The following PCDHGB2 variants were observed in gnomAD, a reference collection of about 807,000 sequenced individuals.
PCDHGB2 encodes protocadherin gamma subfamily B, 2.
A neutral mutation model predicts 59.3 loss-of-function variants in PCDHGB2; 55 were observed. The ratio of observed to expected loss-of-function variants is 0.93; its 90% CI spans 0.75 to 1.16. PCDHGB2 has a LOEUF of 1.16. Among genes scored for constraint, PCDHGB2 ranks in the 50% most tolerant of loss-of-function variants. PCDHGB2 has a pLI of 0.00. For synonymous variants in PCDHGB2, 516 were observed against 512.0 expected, an observed-to-expected ratio of 1.01 and a Z score of -0.11; for missense variants, 1,228 against 1,198.5, an observed-to-expected ratio of 1.02 and a Z score of -0.36.
At chr5:141,421,783 A>G in intron 1 of PCDHGB2, 1 of 1,613,882 alleles carries the variant, frequency 6.2e-7, no homozygotes, top group East Asian at 2.2e-5. Flanking sequence ...ACTGCGGGGC[A>G]GAACGGATGG....
Position 141,360,947 on chromosome 5 carries a change from A to G in PCDHGB2, c.812A>G (p.Glu271Gly). The G allele has an allele frequency of 6.2e-7, 1 of 1,614,012 alleles. No individual in the cohort carries two copies. Among genetic ancestry groups the G allele is most frequent in the Non-Finnish European group, 8.5e-7 (1 of 1,179,906 alleles). The change falls in exon 1 of 4, where the codon GAA becomes GGA. Residue 271 changes from glutamate to glycine, a missense_variant. This residue lies in a region of PCDHGB2 where 781 missense variants were observed against 721.6 expected (regional missense o/e 1.08). Transcript: ENST00000522605. The stretch of plus-strand genomic sequence containing the variant: ...CAAGTGACAGCCACCGACCGGGATG[A>G]AGGCATAAACGCAGAGATCACCTAC... ...VLQVTATDRD[E>G]GINAEITYSF...
chr5:141,363,430 A>G (rs1003624399), intron 1 of PCDHGB2, among the ~76,000 whole-genome samples: 5 of 152,204 alleles, frequency 3.3e-5, no homozygotes, highest in Admixed American at 6.5e-5. Flanking sequence ...GTCTCAACAT[A>G]GAAAGGTCAC....
chr5:141,455,364 G>C (rs2098820282), intron 1 of PCDHGB2, among the ~76,000 whole-genome samples: 1 of 152,252 alleles, frequency 6.6e-6, no homozygotes, highest in South Asian at 2.1e-4. Flanking sequence ...TAGGCAAGAA[G>C]GAAGGGAGAA....
chr5:141,477,344 A>C lies in PCDHGB2; in HGVS notation c.2422-17463A>C. On this transcript the variant is annotated intron_variant, in intron 1 of 3. Coordinates refer to ENST00000522605, the MANE Select transcript of PCDHGB2 (RefSeq NM_018923.3). The surrounding 1 kb of genome is among the most constrained non-coding windows in gnomAD (Gnocchi z 4.9). Reference sequence around the variant, plus strand: ...TTCCCTCAAGAATTACTTCACTTTGAAAACCAGTGCAGACCTGGATCGGGA... The same window carrying C: ...TTCCCTCAAGAATTACTTCACTTTGCAAACCAGTGCAGACCTGGATCGGGA... 6.2e-7 allele frequency: 1 copy of C among 1,614,154 alleles called. No homozygotes were observed. The highest frequency in any genetic ancestry group is 8.5e-7 in the Non-Finnish European group (1 of 1,180,034).
intron 2 of PCDHGB2, among the ~76,000 whole-genome samples, chr5:141,504,351 G>C (rs77439649): frequency 0.021 from 3,233 of 152,120 alleles, 109 homozygotes; most frequent in African/African-American, 0.075. Context: ...CTTTGTGCTA[G>C]GTGCTTCAGT....
Position 141,393,255 on chromosome 5 carries a change from C to G in PCDHGB2, c.2421+30699C>G, listed in dbSNP as rs201229959. 2.3e-4 allele frequency: 367 copies of G among 1,613,786 alleles called. No individual in the cohort carries two copies. Among genetic ancestry groups the G allele is most frequent in the Non-Finnish European group, 2.9e-4 (338 of 1,179,916 alleles). On this transcript the variant is annotated intron_variant, in intron 1 of 3. Coordinates refer to ENST00000522605, the MANE Select transcript of PCDHGB2 (RefSeq NM_018923.3). ...AGTAAAAATTAACGAAATCGCGGTT[C>G]CTGGAGCACGTTATCCACTCCCAGA...
In PCDHGB2 at chr5:141,418,449, A is replaced by G. The variant is rs781224972; in HGVS notation, c.2421+55893A>G. ...GGCAAATATCCAGAATTAGTATTGC[A>G]GAAGACTCTGGACCGAGAAACGCAG... On this transcript the variant is annotated intron_variant, in intron 1 of 3. Coordinates refer to ENST00000522605, the MANE Select transcript of PCDHGB2 (RefSeq NM_018923.3). 8.1e-6 allele frequency: 13 copies of G among 1,613,922 alleles called. No homozygotes were observed. The Admixed American group carries it at 1.2e-4, about 14-fold the overall frequency.
chr5:141,501,544 G>T (rs1297191346), intron 2 of PCDHGB2, among the ~76,000 whole-genome samples: 3 of 151,962 alleles, frequency 2.0e-5, no homozygotes, highest in African/African-American at 7.3e-5. Flanking sequence ...TTGTGCATAA[G>T]ATCATAGGCC....
In PCDHGB2 at chr5:141,431,370, A is replaced by G; in HGVS notation, c.2422-63437A>G. ...CTGAAACGCGCCCTGGACCGCGAAG[A>G]AAAGGCTGCTCACCACCTGGTCCTT... is the stretch of plus-strand genomic sequence containing the variant. On this transcript the variant is annotated intron_variant, in intron 1 of 3. Coordinates refer to ENST00000522605, the MANE Select transcript of PCDHGB2 (RefSeq NM_018923.3). The surrounding 1 kb of genome is among the most constrained non-coding windows in gnomAD (Gnocchi z 4.8). 1 of 1,613,946 alleles carries G rather than the reference A, an allele frequency of 6.2e-7. No homozygotes were observed. The highest frequency in any genetic ancestry group is 8.5e-7 in the Non-Finnish European group (1 of 1,180,014).
chr5:141,370,870 A>G (rs778903328), intron 1 of PCDHGB2: 1 of 1,614,030 alleles, frequency 6.2e-7, no homozygotes, highest in African/African-American at 1.3e-5. Flanking sequence ...TCTGCGCAAG[A>G]TCCTGATGTA....
chr5:141,428,091 T>A lies in PCDHGB2; in HGVS notation c.2421+65535T>A, dbSNP rs769710543. 1.1e-5 allele frequency: 17 copies of A among 1,609,000 alleles called. No homozygotes were observed. In the African/African-American group the frequency reaches 1.5e-4, roughly 14 times the overall value. On this transcript the variant is annotated intron_variant, in intron 1 of 3. Transcript: ENST00000522605. ...AGATTCGGGACACAACGCTTGGCTGTCCTACCACGTGCTGCAGGCCATCGA... is the reference window on the plus strand; with the variant it reads ...AGATTCGGGACACAACGCTTGGCTGACCTACCACGTGCTGCAGGCCATCGA...
chr5:141,383,179 G>C, intron 1 of PCDHGB2: 1 of 1,614,124 alleles, frequency 6.2e-7, no homozygotes, highest in Non-Finnish European at 8.5e-7. Context: ...AGACCGGGAA[G>C]AGATCTGCGC....
intron 1 of PCDHGB2, chr5:141,405,016 C>T: frequency 6.2e-7 from 1 of 1,614,006 alleles, no homozygotes; most frequent in Non-Finnish European, 8.5e-7. Flanking sequence ...AGGCCTCAGA[C>T]CTTACCCTCT....
In PCDHGB2 at chr5:141,490,540, C is replaced by T; in HGVS notation, c.2422-4267C>T. The T allele has an allele frequency of 6.2e-7, 1 of 1,614,148 alleles. No homozygotes were observed. Among genetic ancestry groups the T allele is most frequent in the Non-Finnish European group, 8.5e-7 (1 of 1,180,024 alleles). ...GGCCAGCGATGCTGGTTCACCTTCC[C>T]TACACAAACATCTCACCATCAGGCT... On this transcript the variant is annotated intron_variant, in intron 1 of 3. Coordinates refer to ENST00000522605, the MANE Select transcript of PCDHGB2 (RefSeq NM_018923.3). This position sits in a 1 kb window ranked among gnomAD's most constrained non-coding sequence, Gnocchi z 5.4.
chr5:141,409,034 A>C, intron 1 of PCDHGB2: 1 of 1,613,992 alleles, frequency 6.2e-7, no homozygotes, highest in Non-Finnish European at 8.5e-7. Context: ...TGCTGAGATA[A>C]ACTACTACTT....
chr5:141,420,118 T>C (rs2096468123), intron 1 of PCDHGB2: 2 of 1,613,844 alleles, frequency 1.2e-6, no homozygotes, highest in Admixed American at 1.7e-5. Flanking sequence ...ATGCCTATAA[T>C]TTTTGTGTGC....
At chr5:141,368,027 C>A (rs1267918873) in intron 1 of PCDHGB2, among the ~76,000 whole-genome samples, 1 of 152,084 alleles carries the variant, frequency 6.6e-6, no homozygotes, top group Non-Finnish European at 1.5e-5. Flanking sequence ...GCCTCAAATT[C>A]CAGGAGGATG....
intron 1 of PCDHGB2, among the ~76,000 whole-genome samples, chr5:141,449,199 A>T (rs927587807): frequency 3.3e-5 from 5 of 152,190 alleles, no homozygotes; most frequent in Admixed American, 2.6e-4. Flanking sequence ...AGAAGTGTTA[A>T]TTCTAACTTT....
Position 141,491,622 on chromosome 5 carries a change from C to T in PCDHGB2, c.2422-3185C>T, listed in dbSNP as rs980546113. 15 of 1,613,786 alleles carry T rather than the reference C, an allele frequency of 9.3e-6. No individual in the cohort carries two copies. Among genetic ancestry groups the T allele is most frequent in the Non-Finnish European group, 1.3e-5 (15 of 1,180,002 alleles). Reference sequence around the variant, plus strand: ...ACTTCACTTTTCTAAGACCCCTCAGCGTTCAGCAGCCCACAGCTCTGGCGC... The same window carrying T: ...ACTTCACTTTTCTAAGACCCCTCAGTGTTCAGCAGCCCACAGCTCTGGCGC... On this transcript the variant is annotated intron_variant, in intron 1 of 3. Transcript: ENST00000522605. This position sits in a 1 kb window ranked among gnomAD's most constrained non-coding sequence, Gnocchi z 6.9.
Sources: allele counts gnomAD v4.1 joint callset (sites outside exome capture counted in the v4.1 genomes callset), GRCh38; gene constraint gnomAD v4.1.1; regional missense constraint gnomAD v4.1.1; non-coding constraint Gnocchi (gnomAD v3.1); transcripts MANE v1.5; gene names NCBI Gene and HGNC (gene_info 2026-07-23, HGNC 2026-07-21).